Variants in SCN10A observed in about 807,000 individuals in gnomAD.
The protein encoded by SCN10A is sodium channel protein type 10 subunit alpha.
In SCN10A, 162 loss-of-function variants were observed where a neutral mutation model predicts 170.7. That is an observed-to-expected ratio of 0.95 (90% CI 0.84 to 1.08). The LOEUF (loss-of-function observed/expected upper bound fraction) is 1.08. Ranked by LOEUF, SCN10A falls within the 50% of genes least tolerant of loss-of-function variation. The probability of loss-of-function intolerance (pLI) is 0.00; values close to 1 mark genes in which losing one functional copy is unlikely to be tolerated. For missense variants in SCN10A, 2,527 were observed against 2,436.9 expected, an observed-to-expected ratio of 1.04 and a Z score of -0.78; for synonymous variants, 985 against 904.6, an observed-to-expected ratio of 1.09 and a Z score of -1.59.
chr3:38,699,097 C>T (rs570697807), intron 27 of SCN10A, among the ~76,000 whole-genome samples: 1 of 152,052 alleles, frequency 6.6e-6, no homozygotes, highest in Non-Finnish European at 1.5e-5. Flanking sequence ...TTGTACGGAG[C>T]CTGGTGTTAA....
At chr3:38,699,457 A>T (rs1165975668) in intron 27 of SCN10A, among the ~76,000 whole-genome samples, 2 of 152,164 alleles carry the variant, frequency 1.3e-5, no homozygotes. Flanking sequence ...GAGAGGGTTC[A>T]ACATCTCACA....
chr3:38,781,168 A>AT (rs1367132397), intron 4 of SCN10A, among the ~76,000 whole-genome samples: 1 of 152,116 alleles, frequency 6.6e-6, no homozygotes, highest in Non-Finnish European at 1.5e-5. Context: ...GTGATGTGCG[A>AT]TAAAAAGTGA....
chr3:38,748,932 C>A (rs1411109818), intron 13 of SCN10A, among the ~76,000 whole-genome samples: 2 of 152,118 alleles, frequency 1.3e-5, no homozygotes, highest in African/African-American at 4.8e-5. Flanking sequence ...CAGTTTACAC[C>A]ACTATAAAGT....
chr3:38,729,000 C>T, intron 15 of SCN10A, 99 bp from the exon 16 acceptor site: 6 of 1,456,964 alleles, frequency 4.1e-6, no homozygotes, highest in Non-Finnish European at 4.6e-6. Context: ...AAACACAAGG[C>T]CTCTCATCCC....
intron 5 of SCN10A, among the ~76,000 whole-genome samples, chr3:38,766,528 G>T (rs754576613): frequency 2.0e-5 from 3 of 151,910 alleles, no homozygotes; most frequent in South Asian, 2.1e-4. Flanking sequence ...TTTATGTGAC[G>T]TGCAGCATTT....
At chr3:38,780,943 G>A (rs923070079) in intron 4 of SCN10A, among the ~76,000 whole-genome samples, 20 of 152,194 alleles carry the variant, frequency 1.3e-4, no homozygotes, top group Admixed American at 9.8e-4. Context: ...AGCAATCATC[G>A]AAGTTGATCC....
In SCN10A at chr3:38,725,229, G is replaced by T; in HGVS notation, c.3173C>A (p.Ala1058Asp). The T allele has an allele frequency of 6.2e-7, 1 of 1,607,054 alleles. No individual in the cohort carries two copies. The highest frequency in any genetic ancestry group is 8.5e-7 in the Non-Finnish European group (1 of 1,174,870). ...PGTGTSSEDL[A>D]PSLGETWKDE... ...TTTCCACGTCTCACCCAGGGATGGAGCCAGGTCCTCAGAAGATGTTCCAGT... is the reference window on the plus strand; with the variant it reads ...TTTCCACGTCTCACCCAGGGATGGATCCAGGTCCTCAGAAGATGTTCCAGT... Residue 1058 changes from alanine to aspartate, a missense_variant, in exon 18 of 28, where the codon GCT becomes GAT. By Grantham distance (126) the Ala-to-Asp change is moderately radical. Transcript: ENST00000449082.
chr3:38,735,442 T>A (rs952998269), intron 15 of SCN10A, among the ~76,000 whole-genome samples: 40 of 152,348 alleles, frequency 2.6e-4, no homozygotes, highest in African/African-American at 9.4e-4. Context: ...GTATACAGCG[T>A]ATACTATCTT....
Position 38,752,502 on chromosome 3 carries a change from C to G in SCN10A, c.1472G>C (p.Gly491Ala), listed in dbSNP as rs1462468438. The G allele has an allele frequency of 6.3e-7, 1 of 1,579,356 alleles. No individual in the cohort carries two copies. Among genetic ancestry groups the G allele is most frequent in the African/African-American group, 1.4e-5 (1 of 73,670 alleles). The change falls in exon 12 of 28, where the codon GGC becomes GCC. Residue 491 changes from glycine (G) to alanine (A), a missense_variant. Coordinates refer to ENST00000449082, the MANE Select transcript of SCN10A (RefSeq NM_006514.4). ...AGCCCGGCGTTTTCCAGAGGCGAGG[C>G]CTAGAAAAGACTGGGCATTGCCCCA... is the stretch of plus-strand genomic sequence containing the variant. ...PYNQRRMSFL[G>A]LASGKRRASH...
Position 38,697,269 on chromosome 3 carries a change from T to G in SCN10A, c.*80A>C. ...ATGCATTGGTGAGGCTGTAGCTGGG[T>G]GTGATCTGCAATGGGAAAGAGTTAA... is the stretch of plus-strand genomic sequence containing the variant. On this transcript the variant is annotated 3_prime_UTR_variant, in exon 28 of 28. Coordinates refer to ENST00000449082, the MANE Select transcript of SCN10A (RefSeq NM_006514.4). 6.4e-7 allele frequency: 1 copy of G among 1,555,002 alleles called. No homozygotes were observed. The highest frequency in any genetic ancestry group is 8.7e-7 in the Non-Finnish European group (1 of 1,150,564).
intron 1 of SCN10A, among the ~76,000 whole-genome samples, chr3:38,794,616 T>C (rs2064326054): frequency 6.6e-6 from 1 of 152,172 alleles, no homozygotes; most frequent in African/African-American, 2.4e-5. Flanking sequence ...CTTTTCCCCA[T>C]AACCAGATTA....
At chr3:38,797,901 C>T (rs1267306227) in intron 1 of SCN10A, among the ~76,000 whole-genome samples, 1 of 152,164 alleles carries the variant, frequency 6.6e-6, no homozygotes, top group Non-Finnish European at 1.5e-5. Context: ...TAAATCCCTC[C>T]AGCTAAGGAC....
intron 4 of SCN10A, among the ~76,000 whole-genome samples, chr3:38,777,789 T>A (rs538109523): frequency 6.6e-6 from 1 of 152,170 alleles, no homozygotes; most frequent in South Asian, 2.1e-4. Flanking sequence ...ATCTGGTGCA[T>A]GGCAGAAGCA....
chr3:38,760,838 C>A, intron 7 of SCN10A, 91 bp from the exon 8 acceptor site: 2 of 1,047,598 alleles, frequency 1.9e-6, no homozygotes, highest in South Asian at 1.3e-5. Flanking sequence ...CCAAGTCTTC[C>A]AAAGTGAGCT....
chr3:38,726,748 T>A lies in SCN10A; in HGVS notation c.2945A>T (p.Asp982Val). 1 of 1,612,684 alleles carries A rather than the reference T, an allele frequency of 6.2e-7. No homozygotes were observed. Reference sequence around the variant, plus strand: ...ATTAGCGATGAAGTCACTGTGCTCATCCCTGGGGCCTCTGGGAGCTTGGAG... The same window carrying A: ...ATTAGCGATGAAGTCACTGTGCTCAACCCTGGGGCCTCTGGGAGCTTGGAG... Reference protein sequence around the residue: ...GGLQAPRGPRDEHSDFIANPT... With the variant: ...GGLQAPRGPRVEHSDFIANPT... The change falls in exon 17 of 28, where the codon GAT (aspartate) becomes GTT (valine). Residue 982 changes from aspartate to valine, a missense_variant. Transcript: ENST00000449082.
chr3:38,708,812 C>T (rs764414043), intron 25 of SCN10A, among the ~76,000 whole-genome samples: 9 of 152,164 alleles, frequency 5.9e-5, no homozygotes, highest in Non-Finnish European at 1.2e-4. Context: ...GGAATGCAAA[C>T]CCAGGTTTGC....
At chr3:38,736,963 G>GTTT (rs71085334) in intron 15 of SCN10A, among the ~76,000 whole-genome samples, 610 of 46,620 alleles carry the variant, frequency 0.013, 104 homozygotes, top group East Asian at 0.072. Flanking sequence ...AGAAATGTTC[G>GTTT]TTTTTTTTTT....
In SCN10A at chr3:38,722,290, T is replaced by C. The variant is rs753434251; in HGVS notation, c.3475A>G (p.Ile1159Val). The C allele has an allele frequency of 5.0e-6, 8 of 1,613,986 alleles. No homozygotes were observed. The highest frequency in any genetic ancestry group is 1.7e-5 in the Admixed American group (1 of 59,996). ...VEHSWFESFI[I>V]FMILLSSGSL... ...CCACTGCTGAGCAGGATCATGAAGA[T>C]GATGAAGCTCTCAAACCAGCTGTGC... Residue 1159 changes from isoleucine to valine, a missense_variant, in exon 20 of 28, where the codon ATC becomes GTC. Coordinates refer to ENST00000449082, the MANE Select transcript of SCN10A (RefSeq NM_006514.4).
At chr3:38,762,111 T>C (rs1055339685) in intron 6 of SCN10A, among the ~76,000 whole-genome samples, 3 of 152,154 alleles carry the variant, frequency 2.0e-5, no homozygotes, top group African/African-American at 7.2e-5. Flanking sequence ...ATCAACTTCT[T>C]TGGGAGAGCA....
Sources: allele counts gnomAD v4.1 joint callset (sites outside exome capture counted in the v4.1 genomes callset), GRCh38; gene constraint gnomAD v4.1.1; transcripts MANE v1.5; gene names NCBI Gene and HGNC (gene_info 2026-07-23, HGNC 2026-07-21).